Variants in RPL37A observed in about 807,000 individuals in gnomAD.
RPL37A encodes the protein large ribosomal subunit protein eL43.
A neutral mutation model predicts 13.6 loss-of-function variants in RPL37A; 5 were observed. The observed-to-expected ratio is 0.37, with a 90% CI of 0.19 to 0.78. The LOEUF is 0.78. Ranked by LOEUF, RPL37A falls within the 30% of genes least tolerant of loss-of-function variation. RPL37A has a pLI of 0.49. For missense variants in RPL37A, 77 were observed against 120.0 expected (o/e 0.64, Z 1.67); for synonymous variants, 50 against 44.4 (o/e 1.13, Z -0.50).
intron 3 of RPL37A, chr2:216,500,298 A>T (rs574868779): frequency 3.9e-5 from 20 of 513,420 alleles, no homozygotes; most frequent in African/African-American, 3.6e-4. Context: ...CATTGTCATG[A>T]TACTGTGCAG....
rs555774744 is a variant in RPL37A at position 216,501,726 on chromosome 2, TTTTG to T, written c.*330_*333del. The stretch of plus-strand genomic sequence containing the variant: ...TTAGTTTTTAAATTACAGTTAGTTT[TTTTG>T]TTTGTTTTTGAGGCGGAGTCTCTGT... On this transcript the variant is annotated 3_prime_UTR_variant, in exon 4 of 4. Coordinates refer to ENST00000491306, the MANE Select transcript of RPL37A (RefSeq NM_000998.5). 23 of 203,218 alleles carry T rather than the reference TTTTG, an allele frequency of 1.1e-4. No individual in the cohort carries two copies. The East Asian group carries it at 2.6e-3, about 23-fold the overall frequency. The allele number at this position is 203,218 out of a possible 1,614,324, so 12.6% of individuals were successfully genotyped here.
chr2:216,499,065 C>A (rs115180087), intron 1 of RPL37A, 188 bp downstream of exon 1: 1 of 1,138,686 alleles, frequency 8.8e-7, no homozygotes. Flanking sequence ...GGGCCTGGCG[C>A]GCTCCAGCCG....
Position 216,499,389 on chromosome 2 carries a change from C to G in RPL37A, c.123C>G (p.Phe41Leu), listed in dbSNP as rs1695556981. The G allele has an allele frequency of 2.5e-6, 4 of 1,613,996 alleles. No homozygotes were observed. The highest frequency in any genetic ancestry group is 3.4e-6 in the Non-Finnish European group (4 of 1,180,010). ...ISQHAKYTCS[F>L]CGKTKMKRRA... is the part of the protein sequence containing the mutation. ...AGCACGCCAAGTACACTTGCTCTTTCTGTGGCAAAGTAAGTAAGGCAAAGT... is the reference window on the plus strand; with the variant it reads ...AGCACGCCAAGTACACTTGCTCTTTGTGTGGCAAAGTAAGTAAGGCAAAGT... The change falls in exon 2 of 4, where the codon TTC (phenylalanine) becomes TTG (leucine). Residue 41 changes from phenylalanine (F) to leucine (L), a missense_variant. By Grantham distance (22) the Phe-to-Leu change is conservative. Around this residue, in one of 3 missense-constraint regions of RPL37A, gnomAD observed 59 missense variants for 65.5 expected, o/e 0.90. Transcript: ENST00000491306.
rs1357601885 is a variant in RPL37A, at chr2:216,499,066, G to A, written c.3+189G>A. 5.3e-6 allele frequency: 6 copies of A among 1,140,060 alleles called. No individual in the cohort carries two copies. The African/African-American group carries it at 6.3e-5, about 12-fold the overall frequency. The allele number at this position is 1,140,060 out of a possible 1,614,324, so 70.6% of individuals were successfully genotyped here. On this transcript the variant is annotated intron_variant, in intron 1 of 3. Coordinates refer to ENST00000491306, the MANE Select transcript of RPL37A (RefSeq NM_000998.5). Reference sequence around the variant, plus strand: ...GGGGCGCCTTGGCTGGGCCTGGCGCGCTCCAGCCGGGTTAACGCCGGGCCT... The same window carrying A: ...GGGGCGCCTTGGCTGGGCCTGGCGCACTCCAGCCGGGTTAACGCCGGGCCT...
At chr2:216,498,948 C>T in intron 1 of RPL37A, 71 bp downstream of exon 1, 2 of 1,588,666 alleles carry the variant, frequency 1.3e-6, no homozygotes, top group African/African-American at 1.3e-5. Context: ...TCTCCCGCAC[C>T]CATCTCCTCT....
intron 3 of RPL37A, chr2:216,500,371 G>C (rs932823890): frequency 1.8e-5 from 6 of 328,708 alleles, no homozygotes; most frequent in Non-Finnish European, 3.4e-5. Flanking sequence ...ATAAAAATAG[G>C]TGAAGGGGTC....
chr2:216,500,990 G>A (rs1275807336), intron 3 of RPL37A: 1 of 183,150 alleles, frequency 5.5e-6, no homozygotes, highest in African/African-American at 2.4e-5. Flanking sequence ...GGTAGGGGGA[G>A]TTAAAGCTTG....
rs137960636 is a variant in RPL37A, at chr2:216,499,290, C to G, written c.24C>G (p.Val8=). 6.2e-7 allele frequency: 1 copy of G among 1,613,020 alleles called. No homozygotes were observed. The highest frequency in any genetic ancestry group is 1.3e-5 in the African/African-American group (1 of 74,904). MAKRTKK[V]GIVGKYGTRY... Reference sequence around the variant, plus strand: ...AACAGGCCAAACGTACCAAGAAAGTCGGGATCGTCGGTAAATACGGGACCC... The same window carrying G: ...AACAGGCCAAACGTACCAAGAAAGTGGGGATCGTCGGTAAATACGGGACCC... Residue 8 remains valine, a synonymous_variant, in exon 2 of 4, where the codon GTC becomes GTG. Transcript: ENST00000491306.
Position 216,501,488 on chromosome 2 carries a change from T to C in RPL37A, c.*84T>C, listed in dbSNP as rs1695599782. The C allele has an allele frequency of 1.1e-6, 1 of 890,060 alleles. No homozygotes were observed. The highest frequency in any genetic ancestry group is 1.8e-6 in the Non-Finnish European group (1 of 545,420). The allele number at this position is 890,060 out of a possible 1,614,324, so 55.1% of individuals were successfully genotyped here. A position where few individuals can be genotyped will look rare whatever the true frequency, so the allele number is the denominator to read the frequency against. On this transcript the variant is annotated 3_prime_UTR_variant, in exon 4 of 4. Transcript: ENST00000491306. Reference sequence around the variant, plus strand: ...CAAAATTGCCTTGGCTTGTTAACTTTATTAGACATTCTGATGTTTGCATTG... The same window carrying C: ...CAAAATTGCCTTGGCTTGTTAACTTCATTAGACATTCTGATGTTTGCATTG...
chr2:216,499,612 G>A, intron 2 of RPL37A: 1 of 657,732 alleles, frequency 1.5e-6, no homozygotes, highest in Admixed American at 2.9e-5. Context: ...ACGTTAATGG[G>A]TAAAATAATC....
chr2:216,499,940 C>A lies in RPL37A; in HGVS notation c.133-9C>A. On this transcript the variant is annotated splice_polypyrimidine_tract_variant and intron_variant, in intron 2 of 3. Coordinates refer to ENST00000491306, the MANE Select transcript of RPL37A (RefSeq NM_000998.5). ...TTGGTTCATAGTGAAAATTGGTTCTCTTTTATAGACCAAGATGAAGAGACG... is the reference window on the plus strand; with the variant it reads ...TTGGTTCATAGTGAAAATTGGTTCTATTTTATAGACCAAGATGAAGAGACG... 6.2e-7 allele frequency: 1 copy of A among 1,612,684 alleles called. No homozygotes were observed. The highest frequency in any genetic ancestry group is 8.5e-7 in the Non-Finnish European group (1 of 1,178,802).
chr2:216,499,836 A>T, intron 2 of RPL37A, 113 bp from the exon 3 acceptor site: 1 of 902,458 alleles, frequency 1.1e-6, no homozygotes, highest in East Asian at 2.5e-5. Flanking sequence ...TTTGAGGGAG[A>T]AAGGGAGGCT....
At chr2:216,498,960 C>A in intron 1 of RPL37A, 83 bp downstream of exon 1, 1 of 1,560,336 alleles carries the variant, frequency 6.4e-7, no homozygotes. Flanking sequence ...ATCTCCTCTC[C>A]TGCCTTACCC....
rs775614668 is a variant in RPL37A at position 216,501,415 on chromosome 2, A to G, written c.*11A>G. ...TTGAAAGACCAGTAGACGCTCCTCTACTCTTTGAGACATCACTGGCCTATA... is the reference window on the plus strand; with the variant it reads ...TTGAAAGACCAGTAGACGCTCCTCTGCTCTTTGAGACATCACTGGCCTATA... On this transcript the variant is annotated 3_prime_UTR_variant, in exon 4 of 4. Transcript: ENST00000491306. 4 of 1,594,178 alleles carry G rather than the reference A, an allele frequency of 2.5e-6. No homozygotes were observed. The African/African-American group carries it at 4.0e-5, about 16-fold the overall frequency.
At chr2:216,500,276 CATT>C (rs1695577004) in intron 3 of RPL37A, 4 of 551,844 alleles carry the variant, frequency 7.2e-6, no homozygotes, top group Non-Finnish European at 1.3e-5. Flanking sequence ...TCACTGGGCA[CATT>C]GTTGTGAACA....
intron 3 of RPL37A, 190 bp downstream of exon 3, chr2:216,500,221 T>C: frequency 1.7e-6 from 1 of 604,232 alleles, no homozygotes; most frequent in Non-Finnish European, 2.9e-6. Context: ...ACTACCAAAA[T>C]AGAAGTCGGA....
Position 216,503,547 on chromosome 2 carries a change from A to G in RPL37A, c.*2143A>G, listed in dbSNP as rs983587443. ...GTAGCTGGGATTACAGGCTTATGCC[A>G]CAAAGCTCAGCTAGTTTTTGTATTT... On this transcript the variant is annotated 3_prime_UTR_variant, in exon 4 of 4. Transcript: ENST00000491306. 2.6e-5 allele frequency: 4 copies of G among 152,202 alleles called. No individual in the cohort carries two copies. Among genetic ancestry groups the G allele is most frequent in the East Asian group, 1.9e-4 (1 of 5,178 alleles). The allele number at this position is 152,202 out of a possible 1,614,324, so 9.4% of individuals were successfully genotyped here. A position where few individuals can be genotyped will look rare whatever the true frequency, so the allele number is the denominator to read the frequency against.
At chr2:216,498,955 C>G in intron 1 of RPL37A, 78 bp downstream of exon 1, 4 of 1,570,728 alleles carry the variant, frequency 2.5e-6, no homozygotes, top group Non-Finnish European at 2.6e-6. Context: ...CACCCATCTC[C>G]TCTCCTGCCT....
At chr2:216,501,071 A>G (rs1017819259) in intron 3 of RPL37A, 4 of 268,132 alleles carry the variant, frequency 1.5e-5, no homozygotes. Flanking sequence ...ATGAGATTGT[A>G]TGTCTAATTC....
Sources: allele counts gnomAD v4.1 joint callset, GRCh38; gene constraint gnomAD v4.1.1; regional missense constraint gnomAD v4.1.1; transcripts MANE v1.5; gene names NCBI Gene and HGNC (gene_info 2026-07-23, HGNC 2026-07-21).